The following ASIC2 variants were observed in gnomAD, a reference collection of about 807,000 sequenced individuals.
ASIC2 encodes acid-sensing ion channel 2.
Under a neutral mutation model 57.3 loss-of-function variants are expected in ASIC2, and 25 were observed. The observed-to-expected ratio is 0.44, with a 90% CI of 0.32 to 0.61. The LOEUF (loss-of-function observed/expected upper bound fraction) is 0.61. ASIC2 is among the 20% of genes least tolerant of loss of function. The pLI, the probability that ASIC2 is intolerant of heterozygous loss-of-function variation, is 0.06. For missense variants in ASIC2, 641 were observed against 738.1 expected (o/e 0.87, Z 1.52); for synonymous variants, 319 against 307.5 (o/e 1.04, Z -0.39).
At chr17:33,991,606 A>G (rs1476347036) in intron 1 of ASIC2, among the ~76,000 whole-genome samples, 1 of 152,166 alleles carries the variant, frequency 6.6e-6, no homozygotes, top group Non-Finnish European at 1.5e-5. Context: ...GGGACCATCA[A>G]CCAGCAGGAA....
At chr17:33,349,110 G>T (rs1042844343) in intron 1 of ASIC2, among the ~76,000 whole-genome samples, 1 of 152,170 alleles carries the variant, frequency 6.6e-6, no homozygotes, top group Non-Finnish European at 1.5e-5. Context: ...GAGAGTCTGT[G>T]GTCTGCTGAA....
chr17:33,816,037 A>G (rs1256060885), intron 1 of ASIC2, among the ~76,000 whole-genome samples: 2 of 152,116 alleles, frequency 1.3e-5, no homozygotes, highest in Non-Finnish European at 2.9e-5. Flanking sequence ...ACTTTGTTAT[A>G]TAAGGAAGGG....
intron 1 of ASIC2, among the ~76,000 whole-genome samples, chr17:33,598,554 G>C (rs770614173): frequency 6.6e-6 from 1 of 152,090 alleles, no homozygotes; most frequent in Non-Finnish European, 1.5e-5. Flanking sequence ...TGTCAGGGCT[G>C]GTATCAAAAG....
At chr17:33,118,969 G>C (rs2092291224) in intron 1 of ASIC2, among the ~76,000 whole-genome samples, 1 of 152,154 alleles carries the variant, frequency 6.6e-6, no homozygotes, top group African/African-American at 2.4e-5. Flanking sequence ...GAAATGCAAA[G>C]TGGAGCCCTT....
chr17:33,084,696 T>C (rs181013991), intron 3 of ASIC2, among the ~76,000 whole-genome samples: 1 of 152,338 alleles, frequency 6.6e-6, no homozygotes, highest in Admixed American at 6.5e-5. Flanking sequence ...GCTCCATTGA[T>C]AGGAACTGTT....
chr17:33,748,028 A>C (rs1438738837), intron 1 of ASIC2, among the ~76,000 whole-genome samples: 1 of 152,216 alleles, frequency 6.6e-6, no homozygotes, highest in Non-Finnish European at 1.5e-5. Flanking sequence ...CATTTCAGAG[A>C]TGAGGAAGTC....
intron 1 of ASIC2, among the ~76,000 whole-genome samples, chr17:33,467,438 G>A (rs1207316971): frequency 6.6e-6 from 1 of 152,098 alleles, no homozygotes; most frequent in Non-Finnish European, 1.5e-5. Flanking sequence ...CTTGGAAAAG[G>A]GCATTCCAAA....
At chr17:33,327,885 A>G (rs1002755168) in intron 1 of ASIC2, among the ~76,000 whole-genome samples, 5 of 152,190 alleles carry the variant, frequency 3.3e-5, no homozygotes, top group Non-Finnish European at 7.3e-5. Context: ...TTATAAGTGG[A>G]GAGAGGCTTG....
chr17:33,579,789 C>G (rs1024640190), intron 1 of ASIC2, among the ~76,000 whole-genome samples: 1 of 152,054 alleles, frequency 6.6e-6, no homozygotes, highest in African/African-American at 2.4e-5. Context: ...AACAAACTAC[C>G]ACACCGTGAA....
At chr17:33,809,159 T>G (rs921278405) in intron 1 of ASIC2, among the ~76,000 whole-genome samples, 1 of 152,190 alleles carries the variant, frequency 6.6e-6, no homozygotes, top group Non-Finnish European at 1.5e-5. Context: ...CATCGCAGCC[T>G]CAGTGGCACT....
chr17:33,775,350 C>T (rs1261597810), intron 1 of ASIC2, among the ~76,000 whole-genome samples: 1 of 152,188 alleles, frequency 6.6e-6, no homozygotes, highest in Non-Finnish European at 1.5e-5. Flanking sequence ...TGCAGCAGTA[C>T]ACTGGGACTC....
intron 1 of ASIC2, among the ~76,000 whole-genome samples, chr17:33,704,410 C>T (rs539015632): frequency 2.0e-5 from 3 of 152,326 alleles, no homozygotes; most frequent in African/African-American, 7.2e-5. Context: ...TCATGCATGA[C>T]TCCTGTAAAG....
intron 1 of ASIC2, among the ~76,000 whole-genome samples, chr17:33,527,741 C>G (rs1345890261): frequency 6.6e-6 from 1 of 151,972 alleles, no homozygotes; most frequent in Non-Finnish European, 1.5e-5. Flanking sequence ...AAATGAAGTA[C>G]ATCTGTTAAT....
intron 1 of ASIC2, among the ~76,000 whole-genome samples, chr17:33,774,972 C>A (rs775079976): frequency 2.0e-5 from 3 of 152,166 alleles, no homozygotes; most frequent in Non-Finnish European, 4.4e-5. Context: ...CAGGCCAATG[C>A]AACAGTCCCT....
intron 1 of ASIC2, among the ~76,000 whole-genome samples, chr17:33,300,851 G>C (rs1905928555): frequency 1.3e-5 from 2 of 152,274 alleles, no homozygotes; most frequent in South Asian, 4.1e-4. Context: ...AACTAAGATA[G>C]GAAATTGAGG....
At chr17:34,111,927 TAA>T (rs1375842561) in intron 1 of ASIC2, among the ~76,000 whole-genome samples, 1 of 152,224 alleles carries the variant, frequency 6.6e-6, no homozygotes, top group African/African-American at 2.4e-5. Flanking sequence ...TCATATATAT[TAA>T]GTCAAGATAA....
chr17:33,582,548 ACCTGCAAAGTTAGGATAGTAACAG>A (rs1904478946), intron 1 of ASIC2, among the ~76,000 whole-genome samples: 1 of 152,092 alleles, frequency 6.6e-6, no homozygotes, highest in Non-Finnish European at 1.5e-5. Context: ...TTATTTTTCC[ACCTGCAAAGTTAGGATAGTAACAG>A]TAACTACCTC....
At chr17:33,399,291 A>G (rs1199438139) in intron 1 of ASIC2, among the ~76,000 whole-genome samples, 1 of 152,218 alleles carries the variant, frequency 6.6e-6, no homozygotes, top group African/African-American at 2.4e-5. Flanking sequence ...CTTCAAACAA[A>G]GGATCTCTGA....
intron 1 of ASIC2, among the ~76,000 whole-genome samples, chr17:33,431,908 C>T (rs1410495338): frequency 2.0e-5 from 3 of 151,978 alleles, no homozygotes; most frequent in Non-Finnish European, 2.9e-5. Flanking sequence ...GCACTATATT[C>T]CAAAATAACT....
Sources: gnomAD v4.1 joint callset for allele counts (sites outside exome capture counted in the v4.1 genomes callset) on GRCh38, gnomAD v4.1.1 for gene constraint, MANE v1.5 for transcripts, NCBI Gene and HGNC (gene_info 2026-07-23, HGNC 2026-07-21) for gene names.